Variants in C10orf67 observed in about 807,000 individuals in gnomAD.
C10orf67 encodes the protein chromosome 10 open reading frame 67.
A neutral mutation model predicts 35.6 loss-of-function variants in C10orf67; 60 were observed. That is an observed-to-expected ratio of 1.68 (90% confidence interval 1.37 to 2.09). The LOEUF is 2.09. Among genes scored for constraint, C10orf67 ranks in the 30% most tolerant of loss-of-function variants. C10orf67 has a pLI of 0.00. For synonymous variants in C10orf67, 167 were observed against 115.8 expected (o/e 1.44, Z -2.84); for missense variants, 474 against 330.2 (o/e 1.44, Z -3.38).
At chr10:23,264,605 C>T (rs1842838435) in intron 10 of C10orf67, among the ~76,000 whole-genome samples, 1 of 152,170 alleles carries the variant, frequency 6.6e-6, no homozygotes, top group Non-Finnish European at 1.5e-5. Context: ...AATATCTCTG[C>T]CCCTTGTGGC....
intron 3 of C10orf67, among the ~76,000 whole-genome samples, chr10:23,321,980 G>A (rs1477637426): frequency 6.6e-6 from 1 of 152,062 alleles, no homozygotes; most frequent in Non-Finnish European, 1.5e-5. Flanking sequence ...TAAAGACAGG[G>A]TCTCACGATG....
At chr10:23,296,890 G>C (rs910919342) in intron 5 of C10orf67, among the ~76,000 whole-genome samples, 3 of 152,240 alleles carry the variant, frequency 2.0e-5, no homozygotes, top group African/African-American at 7.2e-5. Flanking sequence ...CTATCTGCTT[G>C]ATAGTTTTGA....
intron 13 of C10orf67, among the ~76,000 whole-genome samples, chr10:23,232,262 A>C (rs1315698648): frequency 6.6e-6 from 1 of 152,236 alleles, no homozygotes; most frequent in Non-Finnish European, 1.5e-5. Flanking sequence ...GACTCGAGAC[A>C]AAATAAACTC....
chr10:23,328,793 G>A (rs1845297355), intron 2 of C10orf67, among the ~76,000 whole-genome samples: 1 of 151,556 alleles, frequency 6.6e-6, no homozygotes. Flanking sequence ...AGGCCAGCCT[G>A]GGCAACATAG....
intron 2 of C10orf67, among the ~76,000 whole-genome samples, chr10:23,329,667 G>A (rs1282663233): frequency 6.6e-6 from 1 of 151,750 alleles, no homozygotes; most frequent in Non-Finnish European, 1.5e-5. Context: ...GGGCAAGGTG[G>A]TGCACTCTTG....
rs569367004 is a variant in C10orf67, at chr10:23,342,026, G to C, written c.206+2543C>G. Among the ~76,000 whole-genome samples, 7 of 152,154 alleles carry C rather than the reference G, an allele frequency of 4.6e-5. No homozygotes were observed. The East Asian group carries it at 9.7e-4, about 21-fold the overall frequency. On this transcript the variant is annotated intron_variant, in intron 1 of 15. Transcript: ENST00000636213. ...GTATTAAAAATAAATTAGCCAGGCAGGCTGGGGTGTGCTTGTCGTCTCAGC... is the reference window on the plus strand; with the variant it reads ...GTATTAAAAATAAATTAGCCAGGCACGCTGGGGTGTGCTTGTCGTCTCAGC...
intron 7 of C10orf67, among the ~76,000 whole-genome samples, chr10:23,286,726 A>AAGGC (rs1319836379): frequency 2.0e-5 from 3 of 152,108 alleles, no homozygotes; most frequent in Non-Finnish European, 4.4e-5. Flanking sequence ...GTGAAACTAG[A>AAGGC]AGGCTGAGAT....
chr10:23,250,220 G>A (rs1293964455), intron 12 of C10orf67, among the ~76,000 whole-genome samples: 1 of 152,184 alleles, frequency 6.6e-6, no homozygotes, highest in Non-Finnish European at 1.5e-5. Flanking sequence ...GAGTGAGTCT[G>A]TCCTGCTGAT....
At chr10:23,227,915 A>G (rs953888151) in intron 13 of C10orf67, among the ~76,000 whole-genome samples, 1 of 152,186 alleles carries the variant, frequency 6.6e-6, no homozygotes, top group Non-Finnish European at 1.5e-5. Context: ...AGAACTACAA[A>G]CCACTGCTCA....
intron 5 of C10orf67, among the ~76,000 whole-genome samples, chr10:23,303,098 C>T (rs117646523): frequency 0.012 from 1,875 of 152,142 alleles, 25 homozygotes; most frequent in Middle Eastern, 0.048. Flanking sequence ...TTTTATTGCT[C>T]CTATTCATTA....
rs78138731 is a variant in C10orf67, at chr10:23,313,293, C to G, written c.546+7448G>C. On this transcript the variant is annotated intron_variant, in intron 4 of 15. Coordinates refer to ENST00000636213, the MANE Select transcript of C10orf67 (RefSeq NM_001371909.1). ...TGGCTCTGGGCCTGTGCTGGAAAAT[C>G]AGACAATGGGTGGATGAAATGAATC... is the stretch of plus-strand genomic sequence containing the variant. Among the ~76,000 whole-genome samples the G allele has an allele frequency of 5.8e-3, 888 of 152,310 alleles. 9 individuals carry two copies. Among genetic ancestry groups the G allele is most frequent in the African/African-American group, 0.02 (852 of 41,566 alleles).
At position 23,338,063 on chromosome 10, in the gene C10orf67, A is replaced by G. The variant is rs561832144; in HGVS notation, c.207-4881T>C. On this transcript the variant is annotated intron_variant, in intron 1 of 15. Transcript: ENST00000636213. ...AGGAACAGATTGAGAGATGGATGTCAAGAATGTCTGGGAAGAGTTCTGTGG... is the reference window on the plus strand; with the variant it reads ...AGGAACAGATTGAGAGATGGATGTCGAGAATGTCTGGGAAGAGTTCTGTGG... 1.3e-5 allele frequency among the ~76,000 whole-genome samples: 2 copies of G among 152,348 alleles called. 1 individual carries two copies. Among genetic ancestry groups the G allele is most frequent in the East Asian group, 3.9e-4 (2 of 5,190 alleles).
At chr10:23,310,432 G>A (rs1390243104) in intron 4 of C10orf67, among the ~76,000 whole-genome samples, 1 of 152,194 alleles carries the variant, frequency 6.6e-6, no homozygotes, top group Non-Finnish European at 1.5e-5. Context: ...AGAGGAGAGG[G>A]AGAAACGTTA....
Position 23,344,572 on chromosome 10 carries a change from G to A in C10orf67, c.203C>T (p.Thr68Met). 6.4e-7 allele frequency: 1 copy of A among 1,574,038 alleles called. No homozygotes were observed. The highest frequency in any genetic ancestry group is 8.6e-7 in the Non-Finnish European group (1 of 1,160,718). ...CCAGGCGCGGAGCTCAGCCTACCTCGTGGACCCGCGCATTTGCGGGGGCTT... is the reference window on the plus strand; with the variant it reads ...CCAGGCGCGGAGCTCAGCCTACCTCATGGACCCGCGCATTTGCGGGGGCTT... ...EFKPPQMRGS[T>M]RLNISDDLKI... Residue 68 changes from threonine (T) to methionine (M), a missense_variant, in exon 1 of 16, where the codon ACG becomes ATG. By Grantham distance (81) the Thr-to-Met change is moderately conservative. Transcript: ENST00000636213.
At chr10:23,300,281 G>T (rs1335211813) in intron 5 of C10orf67, among the ~76,000 whole-genome samples, 1 of 152,156 alleles carries the variant, frequency 6.6e-6, no homozygotes, top group Non-Finnish European at 1.5e-5. Flanking sequence ...GACCGCACTG[G>T]AAGCAAGCCC....
At chr10:23,302,647 G>A (rs962376564) in intron 5 of C10orf67, among the ~76,000 whole-genome samples, 3 of 152,206 alleles carry the variant, frequency 2.0e-5, no homozygotes, top group Non-Finnish European at 4.4e-5. Flanking sequence ...GACATCCGGT[G>A]GCTCAGAGCA....
intron 15 of C10orf67, among the ~76,000 whole-genome samples, chr10:23,213,744 C>T (rs1056992761): frequency 8.6e-5 from 13 of 151,284 alleles, no homozygotes; most frequent in Non-Finnish European, 1.6e-4. Flanking sequence ...ATGGGGGAAA[C>T]GATAAAATAC....
In C10orf67 at chr10:23,291,199, C is replaced by T. The variant is rs774217786; in HGVS notation, c.783G>A (p.Arg261=). The change falls in exon 6 of 16, where the codon AGG becomes AGA. Residue 261 remains arginine (R), a synonymous_variant. Coordinates refer to ENST00000636213, the MANE Select transcript of C10orf67 (RefSeq NM_001371909.1). ...ENLEYKVENE[R]LLQIISELEE... The stretch of plus-strand genomic sequence containing the variant: ...CAAGCTCTGAAATGATCTGAAGCAG[C>T]CTCTCATTTTCCACTTTGTACTCCA... The T allele has an allele frequency of 3.1e-5, 22 of 717,022 alleles. No individual in the cohort carries two copies. Among genetic ancestry groups the T allele is most frequent in the Non-Finnish European group, 5.7e-5 (22 of 385,002 alleles). 44.4% of individuals were successfully genotyped at this position (717,022 alleles called of 1,614,324 possible).
intron 4 of C10orf67, among the ~76,000 whole-genome samples, chr10:23,320,287 G>C (rs1844894005): frequency 6.6e-6 from 1 of 152,226 alleles, no homozygotes; most frequent in Non-Finnish European, 1.5e-5. Context: ...TCTTTGCTGA[G>C]TCTAAGAAAA....
Sources: gnomAD v4.1 joint callset for allele counts (sites outside exome capture counted in the v4.1 genomes callset) on GRCh38, gnomAD v4.1.1 for gene constraint, MANE v1.5 for transcripts, NCBI Gene and HGNC (gene_info 2026-07-23, HGNC 2026-07-21) for gene names.